Variants in GRIA4 observed in about 807,000 individuals in gnomAD.
GRIA4 encodes the protein glutamate ionotropic receptor AMPA type subunit 4.
In GRIA4, 34 loss-of-function variants were observed where a neutral mutation model predicts 104.0. That is an observed-to-expected ratio of 0.33 (90% confidence interval 0.25 to 0.44). The LOEUF is 0.44. Ranked by LOEUF, GRIA4 falls within the 20% of genes least tolerant of loss-of-function variation. The pLI is 1.00. For synonymous variants in GRIA4, 386 were observed against 381.9 expected, an observed-to-expected ratio of 1.01 and a Z score of -0.13; for missense variants, 750 against 1,096.5, an observed-to-expected ratio of 0.68 and a Z score of 4.46.
At chr11:105,670,927 T>C (rs1259822315) in intron 3 of GRIA4, among the ~76,000 whole-genome samples, 1 of 152,132 alleles carries the variant, frequency 6.6e-6, no homozygotes, top group Non-Finnish European at 1.5e-5. Flanking sequence ...TAGGAGTCTG[T>C]TTCCTTGCTT....
At chr11:105,845,542 T>C (rs1418765788) in intron 4 of GRIA4, among the ~76,000 whole-genome samples, 1 of 152,126 alleles carries the variant, frequency 6.6e-6, no homozygotes, top group Non-Finnish European at 1.5e-5. Flanking sequence ...AATCTGCCCC[T>C]AGATTTGCTA....
intron 14 of GRIA4, among the ~76,000 whole-genome samples, chr11:105,950,587 C>T (rs1191798374): frequency 6.6e-6 from 1 of 152,146 alleles, no homozygotes; most frequent in Non-Finnish European, 1.5e-5. Context: ...GAAAATCTTA[C>T]CATCTAGTTA....
chr11:105,719,696 A>G (rs1371437605), intron 3 of GRIA4, among the ~76,000 whole-genome samples: 1 of 151,988 alleles, frequency 6.6e-6, no homozygotes, highest in Non-Finnish European at 1.5e-5. Context: ...ACATAAGTAC[A>G]TACTATAAAG....
rs1392211915 is a variant in GRIA4 at position 105,896,302 on chromosome 11, T to C, written c.727-1967T>C. 2.0e-5 allele frequency among the ~76,000 whole-genome samples: 3 copies of C among 152,102 alleles called. No individual in the cohort carries two copies. The South Asian group carries it at 6.2e-4, about 32-fold the overall frequency. ...TTGGTTTTTATTTGTTGATTTAAGT[T>C]CCTTATAGATTCTAGATATTAGTAC... On this transcript the variant is annotated intron_variant, in intron 6 of 16. Coordinates refer to ENST00000282499, the MANE Select transcript of GRIA4 (RefSeq NM_000829.4).
chr11:105,866,142 T>C (rs1945397267), intron 5 of GRIA4, among the ~76,000 whole-genome samples: 1 of 152,170 alleles, frequency 6.6e-6, no homozygotes, highest in Admixed American at 6.5e-5. Context: ...AGTTGTTTAT[T>C]TTTAAAACGT....
chr11:105,887,504 C>T lies in GRIA4; in HGVS notation c.673-15C>T, dbSNP rs753616177. ...ATTAAAATTGATTTTCTCTTATTTG[C>T]TTATATCTTCACAGATTGTAAGTGT... On this transcript the variant is annotated splice_polypyrimidine_tract_variant and intron_variant, in intron 5 of 16. Transcript: ENST00000282499. 5 of 1,168,214 alleles carry T rather than the reference C, an allele frequency of 4.3e-6. No individual in the cohort carries two copies. Among genetic ancestry groups the T allele is most frequent in the South Asian group, 1.4e-5 (1 of 69,210 alleles). The allele number at this position is 1,168,214 out of a possible 1,614,324, so 72.4% of individuals were successfully genotyped here.
chr11:105,668,239 A>ATAT (rs3059469), intron 3 of GRIA4, among the ~76,000 whole-genome samples: 1,575 of 136,630 alleles, frequency 0.012, 10 homozygotes, highest in Non-Finnish European at 0.019. Flanking sequence ...ATATATATAT[A>ATAT]TATATATACT....
At chr11:105,847,001 G>A (rs541691618) in intron 4 of GRIA4, among the ~76,000 whole-genome samples, 10 of 152,154 alleles carry the variant, frequency 6.6e-5, no homozygotes, top group South Asian at 6.2e-4. Context: ...ACCGGGGACC[G>A]GTTTCCTGGA....
At chr11:105,788,436 G>A (rs575443946) in intron 4 of GRIA4, among the ~76,000 whole-genome samples, 31 of 152,168 alleles carry the variant, frequency 2.0e-4, no homozygotes, top group Admixed American at 4.6e-4. Flanking sequence ...TAAGACAGCT[G>A]CAACGTATGT....
At chr11:105,942,534 A>G (rs992628428) in intron 14 of GRIA4, among the ~76,000 whole-genome samples, 2 of 152,088 alleles carry the variant, frequency 1.3e-5, no homozygotes, top group African/African-American at 4.8e-5. Context: ...TAGAGGAAGG[A>G]ACTGTATAAT....
intron 3 of GRIA4, chr11:105,612,695 A>G (rs1950511129): frequency 5.9e-6 from 2 of 339,372 alleles, no homozygotes; most frequent in East Asian, 4.7e-5. Context: ...TTTATTCATT[A>G]TCTGTCTAGA....
intron 4 of GRIA4, chr11:105,797,603 C>G (rs1339875358): frequency 3.9e-6 from 1 of 255,692 alleles, no homozygotes; most frequent in Non-Finnish European, 8.0e-6. Flanking sequence ...ACTGCAGTGT[C>G]CTTCCCATCT....
intron 3 of GRIA4, among the ~76,000 whole-genome samples, chr11:105,616,713 G>C (rs1319759178): frequency 6.6e-6 from 1 of 151,710 alleles, no homozygotes; most frequent in Non-Finnish European, 1.5e-5. Flanking sequence ...GACTTGCAAA[G>C]TTGTTAGTAA....
intron 16 of GRIA4, among the ~76,000 whole-genome samples, chr11:105,977,126 A>G (rs750894151): frequency 6.6e-6 from 1 of 152,054 alleles, no homozygotes; most frequent in Non-Finnish European, 1.5e-5. Context: ...CCAGGCTTTT[A>G]TTAATGGTAT....
intron 3 of GRIA4, among the ~76,000 whole-genome samples, chr11:105,647,595 A>G (rs1191251480): frequency 6.6e-6 from 1 of 152,216 alleles, no homozygotes; most frequent in Non-Finnish European, 1.5e-5. Flanking sequence ...CACATACACC[A>G]TGGAAAACTA....
intron 14 of GRIA4, among the ~76,000 whole-genome samples, chr11:105,943,435 A>G (rs532326256): frequency 6.6e-6 from 1 of 152,248 alleles, no homozygotes; most frequent in Admixed American, 6.6e-5. Context: ...TTTTTAGAAC[A>G]AAACTTCTAT....
At chr11:105,823,831 C>G (rs918456874) in intron 4 of GRIA4, among the ~76,000 whole-genome samples, 6 of 151,988 alleles carry the variant, frequency 3.9e-5, no homozygotes, top group Non-Finnish European at 8.8e-5. Flanking sequence ...GTAAGCCTAA[C>G]CCCCCGTACA....
chr11:105,874,692 C>A lies in GRIA4; in HGVS notation c.672+12484C>A, dbSNP rs542185446. ...TCTCTTTGTAGCAATTGTGAATGGGCGTTCACTATTGATTTGGCTGTTTGT... is the reference window on the plus strand; with the variant it reads ...TCTCTTTGTAGCAATTGTGAATGGGAGTTCACTATTGATTTGGCTGTTTGT... On this transcript the variant is annotated intron_variant, in intron 5 of 16. Coordinates refer to ENST00000282499, the MANE Select transcript of GRIA4 (RefSeq NM_000829.4). Among the ~76,000 whole-genome samples, 260 of 152,054 alleles carry A rather than the reference C, an allele frequency of 1.7e-3. 1 individual carries two copies. Among genetic ancestry groups the A allele is most frequent in the African/African-American group, 6.0e-3 (250 of 41,478 alleles).
At chr11:105,832,103 A>C (rs528276198) in intron 4 of GRIA4, among the ~76,000 whole-genome samples, 14 of 152,034 alleles carry the variant, frequency 9.2e-5, no homozygotes, top group Non-Finnish European at 2.1e-4. Flanking sequence ...TCAAAGTAAA[A>C]CAGGTTTGGG....
Sources: allele counts gnomAD v4.1 joint callset (sites outside exome capture counted in the v4.1 genomes callset), GRCh38; gene constraint gnomAD v4.1.1; transcripts MANE v1.5; gene names NCBI Gene and HGNC (gene_info 2026-07-23, HGNC 2026-07-21).